Variants in FANCL observed in about 807,000 individuals in gnomAD.
The protein encoded by FANCL is E3 ubiquitin-protein ligase FANCL.
In FANCL, 69 loss-of-function variants were observed where a neutral mutation model predicts 59.4. The observed-to-expected ratio is 1.16, with a 90% confidence interval of 0.96 to 1.42. The LOEUF (loss-of-function observed/expected upper bound fraction) is 1.42. Among genes scored for constraint, FANCL ranks in the 40% most tolerant of loss-of-function variants. FANCL has a pLI of 0.00. For synonymous variants in FANCL, 180 were observed against 147.1 expected, an observed-to-expected ratio of 1.22 and a Z score of -1.62; for missense variants, 519 against 447.2, an observed-to-expected ratio of 1.16 and a Z score of -1.45.
chr2:58,195,558 C>T (rs184226656), intron 7 of FANCL, among the ~76,000 whole-genome samples: 11 of 151,972 alleles, frequency 7.2e-5, no homozygotes, highest in African/African-American at 2.7e-4. Flanking sequence ...ACAGAAACCA[C>T]AAGAGAAGGA....
intron 3 of FANCL, among the ~76,000 whole-genome samples, chr2:58,228,893 C>G (rs142307707): frequency 6.6e-6 from 1 of 151,962 alleles, no homozygotes; most frequent in Admixed American, 6.5e-5. Context: ...TTTTCCCATG[C>G]TATTTCAATA....
chr2:58,166,477 T>C (rs1015670930), intron 7 of FANCL, among the ~76,000 whole-genome samples: 3 of 152,204 alleles, frequency 2.0e-5, no homozygotes, highest in Non-Finnish European at 4.4e-5. Flanking sequence ...ATTTCATATA[T>C]TAATCCCTTT....
intron 3 of FANCL, among the ~76,000 whole-genome samples, chr2:58,229,152 GAC>G (rs2103874792): frequency 6.6e-6 from 1 of 151,922 alleles, no homozygotes; most frequent in African/African-American, 2.4e-5. Context: ...CTGCCTTTAA[GAC>G]ACAGAAATAT....
chr2:58,230,297 C>A (rs150752804), intron 2 of FANCL, among the ~76,000 whole-genome samples: 2,121 of 152,036 alleles, frequency 0.014, 20 homozygotes, highest in Non-Finnish European at 0.021. Context: ...TAAAAGGATA[C>A]ATTTTATTTT....
intron 3 of FANCL, among the ~76,000 whole-genome samples, chr2:58,228,644 C>G (rs1231164726): frequency 6.6e-6 from 1 of 152,156 alleles, no homozygotes; most frequent in Non-Finnish European, 1.5e-5. Context: ...TGGTTCTTTA[C>G]AGAAAAAGTC....
At chr2:58,232,348 T>TA (rs1423261538) in intron 1 of FANCL, among the ~76,000 whole-genome samples, 1 of 152,072 alleles carries the variant, frequency 6.6e-6, no homozygotes, top group Non-Finnish European at 1.5e-5. Flanking sequence ...AACACTCAGA[T>TA]AAGACTTTGT....
intron 11 of FANCL, 52 bp from the exon 12 acceptor site, chr2:58,161,690 G>A (rs773746576): frequency 1.8e-5 from 21 of 1,199,962 alleles, no homozygotes; most frequent in South Asian, 3.7e-5. Context: ...TAACTTATTC[G>A]TTGTACATAT....
chr2:58,199,232 G>C (rs1234714761), intron 6 of FANCL, among the ~76,000 whole-genome samples: 1 of 152,120 alleles, frequency 6.6e-6, no homozygotes. Context: ...AATTAAGTCA[G>C]CGTTGTGTCA....
rs1263019773 is a variant in FANCL, at chr2:58,208,388, T to C, written c.375-4162A>G. 4.6e-5 allele frequency among the ~76,000 whole-genome samples: 7 copies of C among 152,200 alleles called. No homozygotes were observed. The East Asian group carries it at 1.3e-3, about 29-fold the overall frequency. ...ACTTTGTATTTATCATTTGCTATATTTCTTTATAAGTTAAATTTTTTAAAC... is the reference window on the plus strand; with the variant it reads ...ACTTTGTATTTATCATTTGCTATATCTCTTTATAAGTTAAATTTTTTAAAC... On this transcript the variant is annotated intron_variant, in intron 5 of 13. Transcript: ENST00000233741.
At chr2:58,197,365 A>G (rs1689536597) in intron 7 of FANCL, among the ~76,000 whole-genome samples, 1 of 152,130 alleles carries the variant, frequency 6.6e-6, no homozygotes, top group Non-Finnish European at 1.5e-5. Flanking sequence ...AAAATTTTAT[A>G]GCCAAAATGA....
At chr2:58,179,755 T>A (rs1040453614) in intron 7 of FANCL, among the ~76,000 whole-genome samples, 11 of 152,142 alleles carry the variant, frequency 7.2e-5, no homozygotes, top group African/African-American at 2.7e-4. Context: ...AAAGAGCTCC[T>A]TCACAGCAAA....
At chr2:58,195,591 C>T (rs1054141319) in intron 7 of FANCL, among the ~76,000 whole-genome samples, 1 of 152,024 alleles carries the variant, frequency 6.6e-6, no homozygotes, top group Admixed American at 6.6e-5. Flanking sequence ...GAAAGTTAAA[C>T]TCTGTATGAC....
chr2:58,240,506 C>T (rs182350291), intron 1 of FANCL, among the ~76,000 whole-genome samples: 67 of 152,294 alleles, frequency 4.4e-4, no homozygotes, highest in African/African-American at 1.6e-3. Context: ...TTTCCCATAC[C>T]TTGATTTCTT....
At chr2:58,167,012 G>A (rs1346160759) in intron 7 of FANCL, among the ~76,000 whole-genome samples, 1 of 152,186 alleles carries the variant, frequency 6.6e-6, no homozygotes, top group East Asian at 1.9e-4. Flanking sequence ...AAGAGATAGA[G>A]ACCATCCTGG....
At chr2:58,228,443 C>G (rs1186030923) in intron 3 of FANCL, among the ~76,000 whole-genome samples, 1 of 152,148 alleles carries the variant, frequency 6.6e-6, no homozygotes, top group African/African-American at 2.4e-5. Flanking sequence ...TACAGATGAT[C>G]AATAAATGAC....
intron 5 of FANCL, among the ~76,000 whole-genome samples, chr2:58,219,183 T>C (rs866279424): frequency 2.1e-5 from 2 of 94,726 alleles, no homozygotes; most frequent in Non-Finnish European, 3.8e-5. Flanking sequence ...TATATATATA[T>C]ATATATATAT....
rs3732137 is a variant in FANCL, at chr2:58,159,874, G to C, written c.1093-74C>G. Reference sequence around the variant, plus strand: ...ATAAAATTGCTTTGTACTAGAAATAGTGTCATAGAATAGTGTCATAGTACA... The same window carrying C: ...ATAAAATTGCTTTGTACTAGAAATACTGTCATAGAATAGTGTCATAGTACA... On this transcript the variant is annotated intron_variant, in intron 13 of 13. Coordinates refer to ENST00000233741, the MANE Select transcript of FANCL (RefSeq NM_018062.4). The C allele has an allele frequency of 2.1e-4, 332 of 1,596,268 alleles. 2 individuals are homozygous for C. The East Asian group carries it at 7.4e-3, about 35-fold the overall frequency.
intron 7 of FANCL, among the ~76,000 whole-genome samples, chr2:58,197,585 A>G (rs140360665): frequency 6.6e-6 from 1 of 152,300 alleles, no homozygotes; most frequent in East Asian, 1.9e-4. Context: ...ACCACCTTAT[A>G]TCTATGTTAT....
At chr2:58,192,995 G>T (rs1393442237) in intron 7 of FANCL, among the ~76,000 whole-genome samples, 5 of 151,796 alleles carry the variant, frequency 3.3e-5, no homozygotes, top group African/African-American at 4.8e-5. Context: ...CAATTAAAAA[G>T]ATTGCATTAA....
Sources: allele counts gnomAD v4.1 joint callset (sites outside exome capture counted in the v4.1 genomes callset), GRCh38; gene constraint gnomAD v4.1.1; transcripts MANE v1.5; gene names NCBI Gene and HGNC (gene_info 2026-07-23, HGNC 2026-07-21).